The following USP39 variants were observed in gnomAD, a reference collection of about 807,000 sequenced individuals.
USP39 encodes ubiquitin carboxyl-terminal hydrolase 39.
USP39 carries 38 observed loss-of-function variants against 66.4 expected under a neutral mutation model. The observed-to-expected ratio is 0.57, with a 90% CI of 0.44 to 0.75. The LOEUF is 0.75. USP39 is among the 30% of genes least tolerant of loss of function. The pLI, the probability that USP39 is intolerant of heterozygous loss-of-function variation, is 0.00. For missense variants in USP39, 608 were observed against 714.4 expected (o/e 0.85, Z 1.70); for synonymous variants, 303 against 274.6 (o/e 1.10, Z -1.02).
chr2:85,620,372 G>T (rs1160279343), intron 2 of USP39, among the ~76,000 whole-genome samples: 1 of 151,758 alleles, frequency 6.6e-6, no homozygotes, highest in Non-Finnish European at 1.5e-5. Context: ...CCAGCTTCTT[G>T]GGGGGCTGAA....
At chr2:85,648,620 G>A in intron 12 of USP39, 141 bp from the exon 13 acceptor site, 1 of 944,912 alleles carries the variant, frequency 1.1e-6, no homozygotes, top group Non-Finnish European at 1.7e-6. Context: ...TGTAGCCACT[G>A]TAGCAGATTT....
rs1476664894 is a variant in USP39 at position 85,630,860 on chromosome 2, G to A, written c.863G>A (p.Arg288Gln). The A allele has an allele frequency of 1.2e-6, 2 of 1,614,156 alleles. No individual in the cohort carries two copies. Among genetic ancestry groups the A allele is most frequent in the Non-Finnish European group, 8.5e-7 (1 of 1,180,034 alleles). The change falls in exon 6 of 13, where the codon CGA becomes CAA. Residue 288 changes from arginine (R) to glutamine (Q), a missense_variant. Around this residue, in one of 6 missense-constraint regions of USP39, gnomAD observed 17 missense variants for 38.0 expected, o/e 0.45. Transcript: ENST00000323701. ...CTGATGAGAAAGCTCTGGAACCCTC[G>A]AAATTTCAAGGCACATGTGTCTCCC... ...GELMRKLWNP[R>Q]NFKAHVSPHE...
rs1558852197 is a variant in USP39 at position 85,621,875 on chromosome 2, G to GTCCCGCTA, written c.433+297_433+298insCCCGCTAT. On this transcript the variant is annotated intron_variant, in intron 3 of 12. Coordinates refer to ENST00000323701, the MANE Select transcript of USP39 (RefSeq NM_006590.4). ...ACTTTTTTAAAATTATTTTGAGACA[G>GTCCCGCTA]TGTTGCCCAGGTTGGCTCACTGCAA... is the stretch of plus-strand genomic sequence containing the variant. Among the ~76,000 whole-genome samples, 497 of 151,690 alleles carry GTCCCGCTA rather than the reference G, an allele frequency of 3.3e-3. 4 individuals are homozygous for GTCCCGCTA. Among genetic ancestry groups the GTCCCGCTA allele is most frequent in the African/African-American group, 0.012 (490 of 41,424 alleles).
chr2:85,616,847 G>A (rs912934595), intron 1 of USP39, among the ~76,000 whole-genome samples: 19 of 151,408 alleles, frequency 1.3e-4, no homozygotes, highest in African/African-American at 4.9e-5. Context: ...CCGCCACCAC[G>A]CCCGGCTAAT....
intron 12 of USP39, 80 bp downstream of exon 12, chr2:85,648,096 G>A (rs1676785797): frequency 2.7e-6 from 4 of 1,496,670 alleles, no homozygotes; most frequent in Admixed American, 1.7e-5. Context: ...GGCAGGAAGA[G>A]GGATAGAGTT....
At chr2:85,612,873 C>G (rs1340424447), upstream of USP39, among the ~76,000 whole-genome samples, 2 of 151,832 alleles carry the variant, frequency 1.3e-5, no homozygotes, top group Non-Finnish European at 2.9e-5. Flanking sequence ...GTTGGCCAGG[C>G]TGGTCTCGAA....
chr2:85,627,214 A>G (rs979188305), intron 5 of USP39, among the ~76,000 whole-genome samples: 12 of 151,620 alleles, frequency 7.9e-5, no homozygotes, highest in Non-Finnish European at 1.5e-4. Flanking sequence ...CTTCTGCCTT[A>G]GCCTCCTGAG....
rs72923052 is a variant in USP39, at chr2:85,628,792, C to T, written c.724-1929C>T. 8.7e-3 allele frequency among the ~76,000 whole-genome samples: 1,328 copies of T among 152,254 alleles called. 20 individuals are homozygous for T. The highest frequency in any genetic ancestry group is 0.03 in the African/African-American group (1,254 of 41,538). On this transcript the variant is annotated intron_variant, in intron 5 of 12. Transcript: ENST00000323701. The stretch of plus-strand genomic sequence containing the variant: ...CTCTTTTTAGTAATTATTCTACAAA[C>T]AGGAAGTCCTTGTTTCTTTAGCTGA...
chr2:85,609,040 T>A (rs774034423), upstream of USP39: 3 of 1,614,230 alleles, frequency 1.9e-6, no homozygotes, highest in South Asian at 3.3e-5. Context: ...GCCGACACCT[T>A]CTCACTCACC....
intron 9 of USP39, 119 bp downstream of exon 9, chr2:85,639,510 A>G: frequency 9.1e-7 from 1 of 1,099,258 alleles, no homozygotes; most frequent in South Asian, 1.7e-5. Flanking sequence ...GCTGGAGTGC[A>G]GTGGCGTGAT....
At chr2:85,644,723 C>CT (rs371306881) in intron 10 of USP39, among the ~76,000 whole-genome samples, 1,532 of 143,814 alleles carry the variant, frequency 0.011, 17 homozygotes, top group Middle Eastern at 0.022. Flanking sequence ...GCCTGTCATT[C>CT]TTTTTTTTTT....
At chr2:85,612,953 G>A (rs1673664529), upstream of USP39, among the ~76,000 whole-genome samples, 2 of 135,090 alleles carry the variant, frequency 1.5e-5, no homozygotes, top group Non-Finnish European at 3.1e-5. Context: ...GAGCCACCGT[G>A]CCCGGCCCCT....
rs146760662 is a variant in USP39 at position 85,630,485 on chromosome 2, G to A, written c.724-236G>A. 3.9e-5 allele frequency among the ~76,000 whole-genome samples: 6 copies of A among 152,258 alleles called. No individual in the cohort carries two copies. In the East Asian group the frequency reaches 1.2e-3, roughly 29 times the overall value. ...GTTTTGTTTTGTTTTAACCTTCTTTGTGGTATCCACATCAGCAAAGTTGTC... is the reference window on the plus strand; with the variant it reads ...GTTTTGTTTTGTTTTAACCTTCTTTATGGTATCCACATCAGCAAAGTTGTC... On this transcript the variant is annotated intron_variant, in intron 5 of 12. Transcript: ENST00000323701.
upstream of USP39, chr2:85,612,100 T>C (rs1673592026): frequency 1.0e-6 from 1 of 981,260 alleles, no homozygotes; most frequent in Non-Finnish European, 1.4e-6. Flanking sequence ...TGACTTCCGG[T>C]CTGGGAGGCC....
intron 9 of USP39, chr2:85,639,603 C>T (rs775602054): frequency 1.6e-5 from 7 of 438,374 alleles, no homozygotes; most frequent in East Asian, 4.1e-5. Context: ...TACAGACATC[C>T]GCCACCATGA....
rs145312659 is a variant in USP39, at chr2:85,626,494, A to C, written c.723+803A>C. On this transcript the variant is annotated intron_variant, in intron 5 of 12. Transcript: ENST00000323701. The stretch of plus-strand genomic sequence containing the variant: ...TTCCTTTGCTCACTGGGCTGCTGTC[A>C]AATGGTGAGGCTTTTTCTAGCCTCT... 8.5e-4 allele frequency among the ~76,000 whole-genome samples: 130 copies of C among 152,350 alleles called. 1 individual carries two copies. Among genetic ancestry groups the C allele is most frequent in the African/African-American group, 3.0e-3 (123 of 41,570 alleles).
In USP39 at chr2:85,648,034, T is replaced by G. The variant is rs1371243690; in HGVS notation, c.1650+18T>G. On this transcript the variant is annotated intron_variant, in intron 12 of 12. Coordinates refer to ENST00000323701, the MANE Select transcript of USP39 (RefSeq NM_006590.4). ...ACATTCAGGTGGGTTGGCCACAGGC[T>G]TAGTGAGCCACAAATAGGTGGCGTA... The G allele has an allele frequency of 6.2e-7, 1 of 1,613,680 alleles. No homozygotes were observed. Among genetic ancestry groups the G allele is most frequent in the Non-Finnish European group, 8.5e-7 (1 of 1,179,822 alleles).
chr2:85,616,665 G>A (rs1484752863), intron 1 of USP39, among the ~76,000 whole-genome samples: 1 of 139,406 alleles, frequency 7.2e-6, no homozygotes, highest in Non-Finnish European at 1.5e-5. Context: ...TAATCGTATA[G>A]TATTTCTTTT....
upstream of USP39, among the ~76,000 whole-genome samples, chr2:85,613,959 G>T (rs187360939): frequency 2.0e-5 from 3 of 151,684 alleles, no homozygotes; most frequent in Admixed American, 6.6e-5. Context: ...AGATGGGGGG[G>T]GTCTCTCTAT....
Sources: gnomAD v4.1 joint callset for allele counts (sites outside exome capture counted in the v4.1 genomes callset) on GRCh38, gnomAD v4.1.1 for gene constraint, gnomAD v4.1.1 regional missense constraint, MANE v1.5 for transcripts, NCBI Gene and HGNC (gene_info 2026-07-23, HGNC 2026-07-21) for gene names.